The following RTN4RL1 variants were observed in gnomAD, a reference collection of about 807,000 sequenced individuals.
RTN4RL1 encodes reticulon-4 receptor-like 1.
A neutral mutation model predicts 25.6 loss-of-function variants in RTN4RL1; 7 were observed. That is an observed-to-expected ratio of 0.27 (90% CI 0.16 to 0.51). The LOEUF is 0.51. Among genes scored for constraint, RTN4RL1 ranks in the 20% least tolerant of loss-of-function variants. The probability of loss-of-function intolerance (pLI) is 0.97; values close to 1 mark genes in which losing one functional copy is unlikely to be tolerated. For missense variants in RTN4RL1, 500 were observed against 615.6 expected (o/e 0.81, Z 1.99); for synonymous variants, 297 against 288.2 (o/e 1.03, Z -0.31).
chr17:1,954,400 T>TG lies in RTN4RL1; in HGVS notation c.14-16593_14-16592insC, dbSNP rs1272974564. ...CTTCCTTCCTTTTTTTTTTTTTTTT[T>TG]TTTTTGAGATGGAGTCTCGCTCTTG... On this transcript the variant is annotated intron_variant, in intron 1 of 1. Coordinates refer to ENST00000331238, the MANE Select transcript of RTN4RL1 (RefSeq NM_178568.4). 7.9e-4 allele frequency among the ~76,000 whole-genome samples: 108 copies of TG among 136,878 alleles called. 1 individual carries two copies. The highest frequency in any genetic ancestry group is 3.8e-3 in the Middle Eastern group (1 of 262). The allele number at this position is 136,878 out of a possible 152,430, so 89.8% of individuals were successfully genotyped here. A position where few individuals can be genotyped will look rare whatever the true frequency, so the allele number is the denominator to read the frequency against.
At chr17:1,991,106 C>G (rs140042908) in intron 1 of RTN4RL1, among the ~76,000 whole-genome samples, 1 of 152,316 alleles carries the variant, frequency 6.6e-6, no homozygotes, top group Admixed American at 6.5e-5. Flanking sequence ...TTCGATTCAG[C>G]AAACATTTAT....
chr17:1,973,475 G>A (rs1421897527), intron 1 of RTN4RL1, among the ~76,000 whole-genome samples: 1 of 149,412 alleles, frequency 6.7e-6, no homozygotes, highest in Non-Finnish European at 1.5e-5. Flanking sequence ...CCGGGATCGC[G>A]CCATTGCACT....
intron 1 of RTN4RL1, among the ~76,000 whole-genome samples, chr17:2,023,032 T>C (rs907077645): frequency 6.6e-6 from 1 of 152,136 alleles, no homozygotes; most frequent in Non-Finnish European, 1.5e-5. Flanking sequence ...CTAAACCATA[T>C]AAATAAAGTG....
At chr17:1,971,126 T>G (rs1011152224) in intron 1 of RTN4RL1, among the ~76,000 whole-genome samples, 5 of 152,168 alleles carry the variant, frequency 3.3e-5, no homozygotes, top group African/African-American at 1.2e-4. Context: ...TATTGTAATC[T>G]CCATGTGTCG....
chr17:2,008,046 G>A (rs894883411), intron 1 of RTN4RL1, among the ~76,000 whole-genome samples: 17 of 152,066 alleles, frequency 1.1e-4, no homozygotes, highest in African/African-American at 3.6e-4. Context: ...GCCGAGGCGG[G>A]CGGATCACCT....
chr17:2,022,782 A>G (rs2067225437), intron 1 of RTN4RL1, among the ~76,000 whole-genome samples: 2 of 152,234 alleles, frequency 1.3e-5, no homozygotes, highest in African/African-American at 4.8e-5. Context: ...GGGCCAATCC[A>G]GGTGGAAACC....
intron 1 of RTN4RL1, among the ~76,000 whole-genome samples, chr17:1,942,190 T>A (rs1915451180): frequency 6.6e-6 from 1 of 152,098 alleles, no homozygotes; most frequent in Non-Finnish European, 1.5e-5. Flanking sequence ...CCTCCTCTCC[T>A]CCAGGGGCAC....
intron 1 of RTN4RL1, among the ~76,000 whole-genome samples, chr17:2,015,192 C>T (rs1010676747): frequency 2.0e-5 from 3 of 152,078 alleles, no homozygotes; most frequent in South Asian, 2.1e-4. Context: ...CAGGGCTTCG[C>T]GAGGCACGGA....
intron 1 of RTN4RL1, among the ~76,000 whole-genome samples, chr17:2,021,499 C>T (rs1163915959): frequency 6.6e-6 from 1 of 150,534 alleles, no homozygotes; most frequent in Admixed American, 6.6e-5. Context: ...ACATAGGGCT[C>T]TGCATATTAT....
chr17:1,980,056 T>TTTTTC lies in RTN4RL1; in HGVS notation c.14-42253_14-42249dup, dbSNP rs1162073371. On this transcript the variant is annotated intron_variant, in intron 1 of 1. Coordinates refer to ENST00000331238, the MANE Select transcript of RTN4RL1 (RefSeq NM_178568.4). The stretch of plus-strand genomic sequence containing the variant: ...CCTAATCCACTTGGCTCAGATATAT[T>TTTTTC]TTTTCTTTTCTTTTCTTTTTTGTTT... 1.3e-3 allele frequency among the ~76,000 whole-genome samples: 200 copies of TTTTTC among 151,932 alleles called. 2 individuals carry two copies. The highest frequency in any genetic ancestry group is 4.7e-3 in the African/African-American group (195 of 41,420).
At chr17:2,016,245 G>A (rs1181794044) in intron 1 of RTN4RL1, among the ~76,000 whole-genome samples, 1 of 152,170 alleles carries the variant, frequency 6.6e-6, no homozygotes, top group Non-Finnish European at 1.5e-5. Context: ...GCCAGTTGTG[G>A]TGGCAGGTGC....
rs1405477415 is a variant in RTN4RL1 at position 2,012,107 on chromosome 17, G to A, written c.13+12746C>T. Among the ~76,000 whole-genome samples the A allele has an allele frequency of 5.3e-5, 8 of 152,312 alleles. No homozygotes were observed. The East Asian group carries it at 1.5e-3, about 29-fold the overall frequency. ...TCCTCTGGCAATTTTAGCATGTTTG[G>A]TCCGGCCTCATTTAGACATTTCAGA... On this transcript the variant is annotated intron_variant, in intron 1 of 1. Coordinates refer to ENST00000331238, the MANE Select transcript of RTN4RL1 (RefSeq NM_178568.4).
At position 1,980,703 on chromosome 17, in the gene RTN4RL1, G is replaced by A. The variant is rs12452252; in HGVS notation, c.14-42895C>T. Among the ~76,000 whole-genome samples the A allele has an allele frequency of 8.9e-3, 1,347 of 151,868 alleles. 52 individuals are homozygous for A. Among genetic ancestry groups the A allele is most frequent in the Admixed American group, 0.063 (966 of 15,236 alleles). On this transcript the variant is annotated intron_variant, in intron 1 of 1. Coordinates refer to ENST00000331238, the MANE Select transcript of RTN4RL1 (RefSeq NM_178568.4). ...GAGCATTTGGGAGGCTGAGGCGGGC[G>A]GATCACCTGAGGTCAGGAGTTCAAG...
chr17:1,946,295 A>T (rs1287140246), intron 1 of RTN4RL1, among the ~76,000 whole-genome samples: 1 of 152,242 alleles, frequency 6.6e-6, no homozygotes, highest in Admixed American at 6.5e-5. Flanking sequence ...CTCTGAATGC[A>T]GGAAGGGGAG....
intron 1 of RTN4RL1, among the ~76,000 whole-genome samples, chr17:1,951,428 C>A (rs1915676140): frequency 6.6e-6 from 1 of 151,924 alleles, no homozygotes; most frequent in Non-Finnish European, 1.5e-5. Flanking sequence ...TTACCGAAGC[C>A]ACAAAGTTTT....
intron 1 of RTN4RL1, among the ~76,000 whole-genome samples, chr17:1,947,031 CAT>C (rs775351667): frequency 0.016 from 857 of 52,132 alleles, 3 homozygotes; most frequent in African/African-American, 0.038. Flanking sequence ...TGTGTGTGCA[CAT>C]GTGTCTGTGT....
At position 2,008,218 on chromosome 17, in the gene RTN4RL1, G is replaced by A. The variant is rs575755782; in HGVS notation, c.13+16635C>T. On this transcript the variant is annotated intron_variant, in intron 1 of 1. Coordinates refer to ENST00000331238, the MANE Select transcript of RTN4RL1 (RefSeq NM_178568.4). ...CGGGAGGCAGAGGTTGCGGTGAGCC[G>A]AGATTGCGCCATTGCAATTCAGCCT... Among the ~76,000 whole-genome samples, 9 of 150,696 alleles carry A rather than the reference G, an allele frequency of 6.0e-5. No homozygotes were observed. In the South Asian group the frequency reaches 1.7e-3, roughly 28 times the overall value.
Position 1,994,692 on chromosome 17 carries a change from C to T in RTN4RL1, c.13+30161G>A, listed in dbSNP as rs755504103. The stretch of plus-strand genomic sequence containing the variant: ...ACAGGCCCGGTGACCTCGGTCAACA[C>T]AAGCAGGCTCTGCTGCCTCCCACCT... On this transcript the variant is annotated intron_variant, in intron 1 of 1. Coordinates refer to ENST00000331238, the MANE Select transcript of RTN4RL1 (RefSeq NM_178568.4). This position sits in a 1 kb window ranked among gnomAD's most constrained non-coding sequence, Gnocchi z 4.3. Among the ~76,000 whole-genome samples, 1 of 152,146 alleles carries T rather than the reference C, an allele frequency of 6.6e-6. No homozygotes were observed. The highest frequency in any genetic ancestry group is 1.5e-5 in the Non-Finnish European group (1 of 68,030).
intron 1 of RTN4RL1, among the ~76,000 whole-genome samples, chr17:1,971,903 A>G (rs1379913019): frequency 1.4e-5 from 2 of 146,722 alleles, no homozygotes; most frequent in African/African-American, 5.1e-5. Context: ...CGGAGCTTGC[A>G]GTGAGCCGAG....
Sources: gnomAD v4.1 joint callset for allele counts (sites outside exome capture counted in the v4.1 genomes callset) on GRCh38, gnomAD v4.1.1 for gene constraint, Gnocchi (gnomAD v3.1) non-coding constraint, MANE v1.5 for transcripts, NCBI Gene and HGNC (gene_info 2026-07-23, HGNC 2026-07-21) for gene names.